CORO2A: variants seen among roughly 807,000 people sequenced by gnomAD.
CORO2A encodes the protein coronin 2A.
In CORO2A, 47 loss-of-function variants were observed where a neutral mutation model predicts 62.4. That is an observed-to-expected ratio of 0.75 (90% CI 0.60 to 0.96). The LOEUF (loss-of-function observed/expected upper bound fraction) is 0.96. Ranked by LOEUF, CORO2A falls within the 40% of genes least tolerant of loss-of-function variation. CORO2A has a pLI of 0.00. For missense variants in CORO2A, 610 were observed against 684.1 expected (o/e 0.89, Z 1.21); for synonymous variants, 273 against 268.9 (o/e 1.02, Z -0.15).
intron 2 of CORO2A, among the ~76,000 whole-genome samples, chr9:98,138,766 G>A (rs975712236): frequency 3.3e-5 from 5 of 152,044 alleles, no homozygotes; most frequent in African/African-American, 9.7e-5. Context: ...AATGCAGAAC[G>A]GGCTGGGCGC....
intron 1 of CORO2A, 76 bp from the exon 2 acceptor site, chr9:98,157,736 G>T: frequency 7.4e-7 from 1 of 1,352,704 alleles, no homozygotes; most frequent in South Asian, 1.3e-5. Context: ...CTCATCTTAA[G>T]AGTACATAAG....
chr9:98,191,550 G>C (rs778211201), intron 1 of CORO2A, among the ~76,000 whole-genome samples: 1 of 152,176 alleles, frequency 6.6e-6, no homozygotes, highest in East Asian at 1.9e-4. Context: ...CAGTGACTGG[G>C]TAGCAGATTC....
chr9:98,166,885 G>A (rs1404153231), intron 1 of CORO2A, among the ~76,000 whole-genome samples: 1 of 152,010 alleles, frequency 6.6e-6, no homozygotes, highest in Non-Finnish European at 1.5e-5. Flanking sequence ...TGGATCGCTT[G>A]GGTTCTGGAG....
intron 1 of CORO2A, among the ~76,000 whole-genome samples, chr9:98,173,676 A>T (rs1449350053): frequency 6.6e-6 from 1 of 152,180 alleles, no homozygotes; most frequent in Non-Finnish European, 1.5e-5. Context: ...CTGCTGTCCC[A>T]TAACAGCTTC....
intron 2 of CORO2A, among the ~76,000 whole-genome samples, chr9:98,154,875 A>G (rs1827781601): frequency 1.3e-5 from 2 of 152,246 alleles, no homozygotes; most frequent in Non-Finnish European, 2.9e-5. Context: ...TTGCAATAAT[A>G]CAAACAATGC....
chr9:98,165,733 T>C (rs1022868379), intron 1 of CORO2A, among the ~76,000 whole-genome samples: 6 of 152,248 alleles, frequency 3.9e-5, no homozygotes, highest in Admixed American at 6.5e-5. Flanking sequence ...TTCCAGCGCA[T>C]GTTAGGAGCA....
intron 2 of CORO2A, among the ~76,000 whole-genome samples, chr9:98,144,192 G>GAA (rs11304742): frequency 7.8e-6 from 1 of 127,730 alleles, no homozygotes. Context: ...CTGTTTCGAA[G>GAA]AAAAAAAAAA....
intron 2 of CORO2A, among the ~76,000 whole-genome samples, chr9:98,143,167 G>A (rs966565603): frequency 6.6e-6 from 1 of 152,230 alleles, no homozygotes; most frequent in African/African-American, 2.4e-5. Context: ...GCCTGGAGAG[G>A]CATCACCTCC....
intron 1 of CORO2A, among the ~76,000 whole-genome samples, chr9:98,177,453 C>CTTTT (rs944344622): frequency 4.9e-5 from 6 of 121,780 alleles, no homozygotes; most frequent in African/African-American, 2.2e-4. Context: ...GGGCTCCAAA[C>CTTTT]TTTGTTTTTT....
chr9:98,146,979 C>T (rs760191410), intron 2 of CORO2A, among the ~76,000 whole-genome samples: 10 of 152,102 alleles, frequency 6.6e-5, no homozygotes, highest in Admixed American at 1.3e-4. Flanking sequence ...TAATAAGAAA[C>T]ATATTGGCCA....
intron 11 of CORO2A, among the ~76,000 whole-genome samples, chr9:98,125,684 T>C (rs1167907700): frequency 6.7e-6 from 1 of 149,798 alleles, no homozygotes; most frequent in Non-Finnish European, 1.5e-5. Flanking sequence ...TCAAACCCTC[T>C]CCATTTTACA....
At chr9:98,181,758 C>T (rs1330572587) in intron 1 of CORO2A, among the ~76,000 whole-genome samples, 2 of 152,144 alleles carry the variant, frequency 1.3e-5, no homozygotes, top group African/African-American at 2.4e-5. Flanking sequence ...CAGATCTCAG[C>T]TCAAAGTCCT....
At chr9:98,180,275 A>G (rs921167261) in intron 1 of CORO2A, among the ~76,000 whole-genome samples, 4 of 152,066 alleles carry the variant, frequency 2.6e-5, no homozygotes, top group Non-Finnish European at 5.9e-5. Flanking sequence ...CTTGGGTTAC[A>G]TCATTTCCTT....
intron 1 of CORO2A, among the ~76,000 whole-genome samples, chr9:98,164,754 C>A (rs940074567): frequency 4.6e-5 from 7 of 152,144 alleles, no homozygotes; most frequent in African/African-American, 1.7e-4. Flanking sequence ...AGTCTCACCC[C>A]ACAGGGTAAT....
At chr9:98,150,149 T>A (rs1827703783) in intron 2 of CORO2A, among the ~76,000 whole-genome samples, 1 of 152,080 alleles carries the variant, frequency 6.6e-6, no homozygotes, top group Non-Finnish European at 1.5e-5. Flanking sequence ...GCCAGGCTGG[T>A]CTCAAACTCC....
intron 1 of CORO2A, among the ~76,000 whole-genome samples, chr9:98,181,625 A>G (rs16913593): frequency 6.6e-6 from 1 of 151,944 alleles, no homozygotes; most frequent in Non-Finnish European, 1.5e-5. Context: ...AGCTGCACAC[A>G]TCACGGTGCT....
At chr9:98,190,873 TAAC>T (rs1828298063) in intron 1 of CORO2A, among the ~76,000 whole-genome samples, 1 of 152,206 alleles carries the variant, frequency 6.6e-6, no homozygotes, top group African/African-American at 2.4e-5. Flanking sequence ...GAGGGGATAA[TAAC>T]ACTCATTTGT....
chr9:98,137,529 C>T, intron 3 of CORO2A, 43 bp downstream of exon 3: 2 of 1,521,680 alleles, frequency 1.3e-6, no homozygotes, highest in South Asian at 1.1e-5. Flanking sequence ...CACCCCAATC[C>T]CACTCTTCAG....
In CORO2A at chr9:98,185,625, A is replaced by G. The variant is rs144073064; in HGVS notation, c.-1+6934T>C. Among the ~76,000 whole-genome samples the G allele has an allele frequency of 3.2e-3, 490 of 152,320 alleles. 1 individual carries two copies. Among genetic ancestry groups the G allele is most frequent in the Non-Finnish European group, 5.2e-3 (357 of 68,020 alleles). On this transcript the variant is annotated intron_variant, in intron 1 of 11. Transcript: ENST00000375077. ...GTTGGCAGGAGGGGGCTCTGTCTGC[A>G]GTGGGCTCAATTCCCCAGCCTGGGC...
Sources: gnomAD v4.1 joint callset for allele counts (sites outside exome capture counted in the v4.1 genomes callset) on GRCh38, gnomAD v4.1.1 for gene constraint, MANE v1.5 for transcripts, NCBI Gene and HGNC (gene_info 2026-07-23, HGNC 2026-07-21) for gene names.